EYA2: variants seen among roughly 807,000 people sequenced by gnomAD.
The protein encoded by EYA2 is protein phosphatase EYA2.
In EYA2, 31 loss-of-function variants were observed where a neutral mutation model predicts 69.2. The ratio of observed to expected loss-of-function variants is 0.45; its 90% confidence interval spans 0.34 to 0.60. EYA2 has a LOEUF of 0.60. EYA2 is among the 20% of genes least tolerant of loss of function. The pLI is 0.02. For missense variants in EYA2, 622 were observed against 701.2 expected, an observed-to-expected ratio of 0.89 and a Z score of 1.28; for synonymous variants, 257 against 279.4, an observed-to-expected ratio of 0.92 and a Z score of 0.80.
In EYA2 at chr20:47,115,891, C is replaced by T. The variant is rs188106026; in HGVS notation, c.888+18723C>T. Among the ~76,000 whole-genome samples the T allele has an allele frequency of 1.9e-4, 29 of 152,312 alleles. 1 individual carries two copies. In the East Asian group the frequency reaches 4.6e-3, roughly 24 times the overall value. On this transcript the variant is annotated intron_variant, in intron 9 of 15. Transcript: ENST00000327619. Reference sequence around the variant, plus strand: ...AACTTTCACCTTGATCTCTTTCACCCACCCCCAGCACTGCTGCAGCCTCCT... The same window carrying T: ...AACTTTCACCTTGATCTCTTTCACCTACCCCCAGCACTGCTGCAGCCTCCT...
chr20:46,941,271 C>T (rs1986144809), intron 1 of EYA2, among the ~76,000 whole-genome samples: 1 of 152,246 alleles, frequency 6.6e-6, no homozygotes, highest in African/African-American at 2.4e-5. Context: ...CAGCCCACCT[C>T]ACAGAGGAGC....
At chr20:47,058,993 G>C (rs566305811) in intron 5 of EYA2, among the ~76,000 whole-genome samples, 1 of 152,336 alleles carries the variant, frequency 6.6e-6, no homozygotes, top group East Asian at 1.9e-4. Context: ...ACTAGTGCAT[G>C]TTTTGCACTA....
intron 1 of EYA2, among the ~76,000 whole-genome samples, chr20:46,970,071 A>T (rs958477314): frequency 6.6e-6 from 1 of 152,250 alleles, no homozygotes; most frequent in Non-Finnish European, 1.5e-5. Flanking sequence ...TAATATTAAA[A>T]CATAGATCAA....
At chr20:46,918,958 A>G (rs1035118278) in intron 1 of EYA2, among the ~76,000 whole-genome samples, 2 of 152,238 alleles carry the variant, frequency 1.3e-5, no homozygotes, top group African/African-American at 4.8e-5. Context: ...ATCTCCTTGT[A>G]TATCTCCATG....
intron 5 of EYA2, among the ~76,000 whole-genome samples, chr20:47,038,430 G>A (rs1414964948): frequency 6.6e-6 from 1 of 152,196 alleles, no homozygotes; most frequent in Non-Finnish European, 1.5e-5. Flanking sequence ...GATTGAGGCT[G>A]CAATGAACTG....
intron 10 of EYA2, among the ~76,000 whole-genome samples, chr20:47,160,406 C>T (rs1047769762): frequency 2.0e-5 from 3 of 152,068 alleles, no homozygotes; most frequent in Non-Finnish European, 2.9e-5. Context: ...CACAAACAGG[C>T]GACAGGCCAG....
chr20:46,911,244 TG>T (rs1984629894), intron 1 of EYA2, among the ~76,000 whole-genome samples: 2 of 151,888 alleles, frequency 1.3e-5, no homozygotes, highest in Non-Finnish European at 2.9e-5. Flanking sequence ...TGTGTGTGTG[TG>T]TGTGTGTGTG....
intron 5 of EYA2, among the ~76,000 whole-genome samples, chr20:47,039,054 C>A (rs536694744): frequency 6.6e-6 from 1 of 152,202 alleles, no homozygotes; most frequent in Non-Finnish European, 1.5e-5. Context: ...GGGCCAAGAA[C>A]TGTGTCCTGT....
intron 7 of EYA2, among the ~76,000 whole-genome samples, chr20:47,084,704 C>T (rs1024253537): frequency 7.2e-5 from 11 of 152,140 alleles, no homozygotes; most frequent in Non-Finnish European, 1.0e-4. Context: ...CCACTACATA[C>T]CCACTGGAAT....
intron 5 of EYA2, among the ~76,000 whole-genome samples, chr20:47,035,606 G>C (rs1984659100): frequency 6.6e-6 from 1 of 152,168 alleles, no homozygotes; most frequent in African/African-American, 2.4e-5. Context: ...GTGACGCTTA[G>C]TAATGTATCC....
chr20:47,147,390 G>A (rs2033724819), intron 10 of EYA2, among the ~76,000 whole-genome samples: 1 of 152,142 alleles, frequency 6.6e-6, no homozygotes, highest in African/African-American at 2.4e-5. Flanking sequence ...TGAAGGAGGT[G>A]GAGGAGGAGG....
At chr20:47,057,965 A>G (rs985117244) in intron 5 of EYA2, among the ~76,000 whole-genome samples, 2 of 152,264 alleles carry the variant, frequency 1.3e-5, no homozygotes, top group African/African-American at 4.8e-5. Flanking sequence ...AAGATAATGC[A>G]TGCAAACTGA....
At chr20:46,940,581 G>T (rs1986112130) in intron 1 of EYA2, among the ~76,000 whole-genome samples, 1 of 152,232 alleles carries the variant, frequency 6.6e-6, no homozygotes, top group Non-Finnish European at 1.5e-5. Flanking sequence ...GGATATCAAA[G>T]AAAAGGCACA....
At chr20:47,051,900 C>A (rs1234104144) in intron 5 of EYA2, among the ~76,000 whole-genome samples, 1 of 152,236 alleles carries the variant, frequency 6.6e-6, no homozygotes, top group Admixed American at 6.5e-5. Flanking sequence ...CGGGGCTCAG[C>A]ATAGTGCCCG....
At chr20:46,962,160 C>T (rs1439136315) in intron 1 of EYA2, among the ~76,000 whole-genome samples, 1 of 152,166 alleles carries the variant, frequency 6.6e-6, no homozygotes, top group Non-Finnish European at 1.5e-5. Flanking sequence ...TCCTGAGTAG[C>T]TGGGACTATA....
At chr20:46,896,522 CTT>C (rs1568656133) in intron 1 of EYA2, among the ~76,000 whole-genome samples, 1 of 152,106 alleles carries the variant, frequency 6.6e-6, no homozygotes, top group South Asian at 2.1e-4. Context: ...ATTTTTTCCA[CTT>C]GTCTTTCTTC....
intron 9 of EYA2, among the ~76,000 whole-genome samples, chr20:47,131,048 C>G (rs2033329340): frequency 1.3e-5 from 2 of 152,172 alleles, no homozygotes; most frequent in South Asian, 4.2e-4. Flanking sequence ...GAGACTGCGC[C>G]ATTGCACTCC....
At chr20:47,053,304 G>A (rs940542487) in intron 5 of EYA2, among the ~76,000 whole-genome samples, 1 of 152,162 alleles carries the variant, frequency 6.6e-6, no homozygotes, top group African/African-American at 2.4e-5. Context: ...TTTATGAAAA[G>A]CGAATGCCAC....
intron 5 of EYA2, among the ~76,000 whole-genome samples, chr20:47,070,689 C>T (rs2031281140): frequency 1.3e-5 from 2 of 151,992 alleles, no homozygotes; most frequent in African/African-American, 4.8e-5. Context: ...TCCAATTTTA[C>T]AAGAAGAAAA....
Sources: allele counts gnomAD v4.1 joint callset (sites outside exome capture counted in the v4.1 genomes callset), GRCh38; gene constraint gnomAD v4.1.1; transcripts MANE v1.5; gene names NCBI Gene and HGNC (gene_info 2026-07-23, HGNC 2026-07-21).